SLCO1B3: variants seen among roughly 807,000 people sequenced by gnomAD.
The protein encoded by SLCO1B3 is liver-specific organic anion transporter 2.
A neutral mutation model predicts 71.8 loss-of-function variants in SLCO1B3; 72 were observed. The observed-to-expected ratio is 1.00, with a 90% CI of 0.83 to 1.22. The LOEUF is 1.22. Among genes scored for constraint, SLCO1B3 ranks in the 50% most tolerant of loss-of-function variants. SLCO1B3 has a pLI of 0.00. For synonymous variants in SLCO1B3, 298 were observed against 278.4 expected, an observed-to-expected ratio of 1.07 and a Z score of -0.70; for missense variants, 911 against 819.7, an observed-to-expected ratio of 1.11 and a Z score of -1.36.
At chr12:20,861,224 T>C (rs1223602403) in intron 6 of SLCO1B3, 86 bp downstream of exon 6, 2 of 1,246,432 alleles carry the variant, frequency 1.6e-6, no homozygotes, top group African/African-American at 1.5e-5. Flanking sequence ...TTTAACAAAA[T>C]TGATTTAAGA....
chr12:20,915,248 G>T (rs2117031), intron 15 of SLCO1B3, among the ~76,000 whole-genome samples: 1 of 151,850 alleles, frequency 6.6e-6, no homozygotes, highest in Admixed American at 6.6e-5. Flanking sequence ...TTCCTCAGCA[G>T]TGCTCTATCT....
chr12:20,877,388 T>C (rs1234343149), intron 9 of SLCO1B3, among the ~76,000 whole-genome samples: 2 of 152,102 alleles, frequency 1.3e-5, no homozygotes, highest in South Asian at 2.1e-4. Context: ...CTAAGACTAA[T>C]TGATTAGAAA....
chr12:20,836,782 C>G (rs1335329718), intron 3 of SLCO1B3, among the ~76,000 whole-genome samples: 2 of 152,086 alleles, frequency 1.3e-5, no homozygotes, highest in Non-Finnish European at 1.5e-5. Flanking sequence ...GCTGGGACTA[C>G]AGGCACCCAC....
At chr12:20,894,092 C>G (rs1316037853) in intron 13 of SLCO1B3, among the ~76,000 whole-genome samples, 1 of 152,096 alleles carries the variant, frequency 6.6e-6, no homozygotes, top group Non-Finnish European at 1.5e-5. Context: ...AACAGCAGGT[C>G]ATGATGGTTG....
intron 8 of SLCO1B3, among the ~76,000 whole-genome samples, chr12:20,865,695 G>A (rs1198448412): frequency 2.6e-5 from 4 of 151,978 alleles, no homozygotes; most frequent in African/African-American, 7.2e-5. Flanking sequence ...AAAAAGTTAA[G>A]AGAAAATTAG....
chr12:20,898,635 A>G (rs1866066831), intron 14 of SLCO1B3, 135 bp downstream of exon 14: 1 of 460,988 alleles, frequency 2.2e-6, no homozygotes, highest in Non-Finnish European at 3.9e-6. Flanking sequence ...TTTTGTGATA[A>G]GTGAAAATAA....
intron 12 of SLCO1B3, among the ~76,000 whole-genome samples, chr12:20,881,954 A>C (rs917608547): frequency 1.4e-4 from 21 of 152,208 alleles, no homozygotes; most frequent in Admixed American, 6.5e-4. Context: ...GGCATGGAGA[A>C]ATTTGAAGAA....
chr12:20,835,337 C>G (rs964492651), intron 3 of SLCO1B3, among the ~76,000 whole-genome samples: 3 of 152,204 alleles, frequency 2.0e-5, no homozygotes, highest in East Asian at 1.9e-4. Flanking sequence ...CTCCTCATTA[C>G]TTACTCAAAT....
chr12:20,818,976 G>T (rs1864241859), intron 3 of SLCO1B3, among the ~76,000 whole-genome samples: 1 of 152,264 alleles, frequency 6.6e-6, no homozygotes, highest in Non-Finnish European at 1.5e-5. Context: ...GGAGCAGAAA[G>T]TATATGCGTC....
chr12:20,906,157 T>C (rs1591792192), intron 15 of SLCO1B3, among the ~76,000 whole-genome samples: 1 of 152,088 alleles, frequency 6.6e-6, no homozygotes, highest in African/African-American at 2.4e-5. Flanking sequence ...ATCCAAACTA[T>C]ATCAATCAAT....
Position 20,859,483 on chromosome 12 carries a change from GTTT to G in SLCO1B3, c.359+917_359+919del, listed in dbSNP as rs139504676. ...GCCTGTTGGTCACCATATGAATTCT[GTTT>G]TTTTCCCCCTCTACATTTGGCCCTT... On this transcript the variant is annotated intron_variant, in intron 5 of 15. Transcript: ENST00000381545. 2.3e-3 allele frequency among the ~76,000 whole-genome samples: 341 copies of G among 146,682 alleles called. 2 individuals carry two copies. Among genetic ancestry groups the G allele is most frequent in the Non-Finnish European group, 2.8e-3 (186 of 66,432 alleles).
chr12:20,819,571 G>A (rs1474016070), intron 3 of SLCO1B3, among the ~76,000 whole-genome samples: 3 of 152,152 alleles, frequency 2.0e-5, no homozygotes, highest in Non-Finnish European at 4.4e-5. Flanking sequence ...GTACCATGAG[G>A]TGGATAGGCA....
At chr12:20,874,893 A>G (rs1281647969) in intron 8 of SLCO1B3, among the ~76,000 whole-genome samples, 1 of 152,154 alleles carries the variant, frequency 6.6e-6, no homozygotes, top group Non-Finnish European at 1.5e-5. Context: ...GTGAGGATTC[A>G]TATTTCTTCC....
intron 14 of SLCO1B3, among the ~76,000 whole-genome samples, chr12:20,898,810 A>G (rs571996325): frequency 3.9e-5 from 6 of 152,152 alleles, no homozygotes; most frequent in Non-Finnish European, 5.9e-5. Flanking sequence ...GAAAATAAGA[A>G]TATTTCTCCC....
rs143741711 is a variant in SLCO1B3 at position 20,832,950 on chromosome 12, A to AAATT, written c.84+17129_84+17130insATTA. Among the ~76,000 whole-genome samples, 5 of 151,908 alleles carry AAATT rather than the reference A, an allele frequency of 3.3e-5. No individual in the cohort carries two copies. The East Asian group carries it at 7.8e-4, about 24-fold the overall frequency. Reference sequence around the variant, plus strand: ...TTAATGGCATAAAACAAACAAAAAAAATTATCTTAGAGATCTAAAATCCAG... The same window carrying AAATT: ...TTAATGGCATAAAACAAACAAAAAAAAATTATTATCTTAGAGATCTAAAATCCAG... On this transcript the variant is annotated intron_variant, in intron 3 of 15. Transcript: ENST00000381545.
intron 8 of SLCO1B3, among the ~76,000 whole-genome samples, chr12:20,867,669 A>G (rs1865399944): frequency 6.6e-6 from 1 of 152,228 alleles, no homozygotes. Flanking sequence ...TGTATTTTAC[A>G]ACATGGAAGC....
chr12:20,814,289 T>G (rs887601610), intron 2 of SLCO1B3, among the ~76,000 whole-genome samples: 4 of 152,164 alleles, frequency 2.6e-5, no homozygotes, highest in Non-Finnish European at 5.9e-5. Context: ...CTGAAACTTA[T>G]GATTTCTCAT....
rs755356863 is a variant in SLCO1B3 at position 20,880,359 on chromosome 12, T to TA, written c.1332-495dup. 1.1e-4 allele frequency among the ~76,000 whole-genome samples: 17 copies of TA among 152,016 alleles called. No homozygotes were observed. The East Asian group carries it at 2.9e-3, about 26-fold the overall frequency. On this transcript the variant is annotated intron_variant, in intron 11 of 15. Transcript: ENST00000381545. ...TTAACTACATTGAAATCTTTTTTTTTATGTAGTTAAAATATAGATTGTAAA... is the reference window on the plus strand; with the variant it reads ...TTAACTACATTGAAATCTTTTTTTTTAATGTAGTTAAAATATAGATTGTAAA...
At position 20,888,967 on chromosome 12, in the gene SLCO1B3, G is replaced by T. The variant is rs901221179; in HGVS notation, c.1682+5365G>T. ...TTTTATCATACGCTTTTTGAAAAAAGATTTCTGTTAATTTTGTGAATCACA... is the reference window on the plus strand; with the variant it reads ...TTTTATCATACGCTTTTTGAAAAAATATTTCTGTTAATTTTGTGAATCACA... On this transcript the variant is annotated intron_variant, in intron 13 of 15. Coordinates refer to ENST00000381545, the MANE Select transcript of SLCO1B3 (RefSeq NM_019844.4). Among the ~76,000 whole-genome samples the T allele has an allele frequency of 3.3e-5, 5 of 152,064 alleles. No individual in the cohort carries two copies. The South Asian group carries it at 1.0e-3, about 32-fold the overall frequency.
Sources: allele counts gnomAD v4.1 joint callset (sites outside exome capture counted in the v4.1 genomes callset), GRCh38; gene constraint gnomAD v4.1.1; transcripts MANE v1.5; gene names NCBI Gene and HGNC (gene_info 2026-07-23, HGNC 2026-07-21).